MED10: variants seen among roughly 807,000 people sequenced by gnomAD.
MED10 encodes mediator complex subunit 10.
In MED10, 9 loss-of-function variants were observed where a neutral mutation model predicts 17.2. The ratio of observed to expected loss-of-function variants is 0.52; its 90% confidence interval spans 0.31 to 0.91. MED10 has a LOEUF of 0.91. MED10 is among the 40% of genes least tolerant of loss of function. The pLI is 0.04. For synonymous variants in MED10, 66 were observed against 59.8 expected (o/e 1.10, Z -0.48); for missense variants, 129 against 164.8 (o/e 0.78, Z 1.19).
intron 1 of MED10, among the ~76,000 whole-genome samples, chr5:6,378,124 T>G (rs943431134): frequency 6.6e-6 from 1 of 152,206 alleles, no homozygotes; most frequent in Admixed American, 6.5e-5. Context: ...CATCTGGCCA[T>G]GACGACGTCT....
chr5:6,377,601 C>T (rs1738023524), intron 1 of MED10, among the ~76,000 whole-genome samples: 1 of 152,198 alleles, frequency 6.6e-6, no homozygotes, highest in Non-Finnish European at 1.5e-5. Flanking sequence ...GCGGACTATA[C>T]TCAAAGTCTG....
intron 2 of MED10, among the ~76,000 whole-genome samples, chr5:6,376,429 T>G (rs1579254251): frequency 6.6e-6 from 1 of 152,042 alleles, no homozygotes. Context: ...AGTCCGGGGG[T>G]TTCGTCTTAA....
At chr5:6,374,231 C>T in intron 3 of MED10, 93 bp downstream of exon 3, 1 of 810,666 alleles carries the variant, frequency 1.2e-6, no homozygotes, top group Non-Finnish European at 2.2e-6. Flanking sequence ...AGTCAATATT[C>T]TAGCAAGTAT....
At position 6,378,444 on chromosome 5, in the gene MED10, T is replaced by A. The variant is rs201062500; in HGVS notation, c.40A>T (p.Lys14Ter). 12 of 1,613,562 alleles carry A rather than the reference T, an allele frequency of 7.4e-6. No individual in the cohort carries two copies. Among genetic ancestry groups the A allele is most frequent in the Non-Finnish European group, 1.0e-5 (12 of 1,179,870 alleles). ...AGCTGCCGAATGTTCTCCACGAACT[T>A]CTCCAGGTGCTCCTCTAGGTGGTCA... ...KFDHLEEHLE[K>*]FVENIRQLGI... Residue 14 changes from lysine (K) to a stop codon, truncating the protein, a stop_gained, in exon 1 of 4, where the codon AAG becomes TAG. Transcript: ENST00000255764. LOFTEE classifies it high-confidence loss of function.
intron 3 of MED10, 98 bp downstream of exon 3, chr5:6,374,226 A>G: frequency 1.3e-6 from 1 of 782,904 alleles, no homozygotes; most frequent in Middle Eastern, 2.4e-4. Context: ...ATGAAAGTCA[A>G]TATTCTAGCA....
At position 6,378,519 on chromosome 5, in the gene MED10, C is replaced by G; in HGVS notation, c.-36G>C. 1 of 1,592,030 alleles carries G rather than the reference C, an allele frequency of 6.3e-7. No homozygotes were observed. The highest frequency in any genetic ancestry group is 8.6e-7 in the Non-Finnish European group (1 of 1,167,806). Reference sequence around the variant, plus strand: ...CGTCCCCGACCCACACAGCCTCAACCAGCAGCGCCGCAGGCGTGGCCCTAC... The same window carrying G: ...CGTCCCCGACCCACACAGCCTCAACGAGCAGCGCCGCAGGCGTGGCCCTAC... On this transcript the variant is annotated 5_prime_UTR_variant, in exon 1 of 4. Coordinates refer to ENST00000255764, the MANE Select transcript of MED10 (RefSeq NM_032286.3).
Position 6,374,423 on chromosome 5 carries a change from A to G in MED10, c.210T>C (p.Tyr70=), listed in dbSNP as rs141318383. The part of the protein sequence containing the change: ...DITVPLEVFE[Y]IDQGRNPQLY... The stretch of plus-strand genomic sequence containing the variant: ...GCTGGGGATTTCGACCTTGATCTAT[A>G]TATCTGGAAACACGATATATTTCAA... The change falls in exon 3 of 4, where the codon TAT becomes TAC. Residue 70 remains tyrosine, a synonymous_variant. Transcript: ENST00000255764. 2.4e-5 allele frequency: 39 copies of G among 1,599,102 alleles called. No individual in the cohort carries two copies. The highest frequency in any genetic ancestry group is 3.3e-5 in the South Asian group (3 of 90,776).
intron 1 of MED10, among the ~76,000 whole-genome samples, 187 bp from the exon 2 acceptor site, chr5:6,377,436 A>G (rs115058912): frequency 6.6e-6 from 1 of 152,330 alleles, no homozygotes; most frequent in African/African-American, 2.4e-5. Flanking sequence ...GAGTTACAAA[A>G]TACCCTTAAA....
Position 6,372,525 on chromosome 5 carries a change from C to A in MED10, c.386G>T (p.Gly129Val), listed in dbSNP as rs145638352. The part of the protein sequence containing the change: ...EDMAKYRSIR[G>V]EDHPPS Reference sequence around the variant, plus strand: ...TGGTTAAGAAGGCGGGTGATCCTCCCCCCGGATGCTTCGATACTTAGCCAT... The same window carrying A: ...TGGTTAAGAAGGCGGGTGATCCTCCACCCGGATGCTTCGATACTTAGCCAT... Residue 129 changes from glycine (G) to valine (V), a missense_variant, in exon 4 of 4, where the codon GGG (glycine) becomes GTG (valine). Gly to Val is a moderately radical substitution (Grantham distance 109). Coordinates refer to ENST00000255764, the MANE Select transcript of MED10 (RefSeq NM_032286.3). 5.6e-6 allele frequency: 9 copies of A among 1,614,042 alleles called. No homozygotes were observed. The African/African-American group carries it at 1.2e-4, about 22-fold the overall frequency.
rs1383806613 is a variant in MED10 at position 6,374,386 on chromosome 5, CTT to C, written c.245_246del (p.Lys82ArgfsTer9). 4.3e-6 allele frequency: 7 copies of C among 1,614,010 alleles called. No individual in the cohort carries two copies. Among genetic ancestry groups the C allele is most frequent in the Non-Finnish European group, 5.9e-6 (7 of 1,179,914 alleles). On this transcript the variant is annotated frameshift_variant, in exon 3 of 4. Transcript: ENST00000255764. LOFTEE classifies it high-confidence loss of function. ...TTAGCTAGAGCCCTCTCCAGGCACT[CTT>C]TGGTGTAGAGCTGGGGATTTCGACC... The part of the protein sequence containing the change: ...DQGRNPQLYT[K>X]ECLERALAKN...
At position 6,374,313 on chromosome 5, in the gene MED10, T is replaced by TA; in HGVS notation, c.309+10dup. The TA allele has an allele frequency of 1.3e-6, 2 of 1,588,956 alleles. No individual in the cohort carries two copies. The highest frequency in any genetic ancestry group is 1.7e-6 in the Non-Finnish European group (2 of 1,157,020). ...TTCCCACTGTATTTCTGACACTCCT[T>TA]AGAGTCTTACCTTCATGGTGTCGAT... On this transcript the variant is annotated intron_variant, in intron 3 of 3. Coordinates refer to ENST00000255764, the MANE Select transcript of MED10 (RefSeq NM_032286.3).
intron 2 of MED10, 183 bp from the exon 3 acceptor site, chr5:6,374,609 G>C: frequency 1.8e-6 from 1 of 548,646 alleles, no homozygotes; most frequent in Non-Finnish European, 3.3e-6. Flanking sequence ...CAGATCATCT[G>C]ATTTCATTAC....
At chr5:6,377,115 C>A in intron 2 of MED10, 51 bp downstream of exon 2, 1 of 1,314,396 alleles carries the variant, frequency 7.6e-7, no homozygotes, top group South Asian at 1.3e-5. Flanking sequence ...GATACCACAC[C>A]ATAACTGAAC....
chr5:6,375,293 A>G (rs1035048338), intron 2 of MED10, among the ~76,000 whole-genome samples: 4 of 152,226 alleles, frequency 2.6e-5, no homozygotes, highest in African/African-American at 9.6e-5. Context: ...TTAAAAAACA[A>G]AAAACAAAAA....
chr5:6,378,532 G>C lies in MED10; in HGVS notation c.-49C>G. The C allele has an allele frequency of 6.3e-7, 1 of 1,575,318 alleles. No individual in the cohort carries two copies. The highest frequency in any genetic ancestry group is 8.6e-7 in the Non-Finnish European group (1 of 1,158,150). The stretch of plus-strand genomic sequence containing the variant: ...CACAGCCTCAACCAGCAGCGCCGCA[G>C]GCGTGGCCCTACGCTCCCGCTTCCT... On this transcript the variant is annotated 5_prime_UTR_variant, in exon 1 of 4. Coordinates refer to ENST00000255764, the MANE Select transcript of MED10 (RefSeq NM_032286.3).
Position 6,372,437 on chromosome 5 carries a change from CTCGCAGTCCCAGCCTCACGCCGCA to C in MED10, c.*42_*65del. 3 of 1,370,382 alleles carry C rather than the reference CTCGCAGTCCCAGCCTCACGCCGCA, an allele frequency of 2.2e-6. No individual in the cohort carries two copies. The highest frequency in any genetic ancestry group is 1.7e-5 in the Admixed American group (1 of 59,440). 84.9% of individuals were successfully genotyped at this position (1,370,382 alleles called of 1,614,324 possible). Reference sequence around the variant, plus strand: ...CCTCAGCAGGAAGGTGGCGTCAGCACTCGCAGTCCCAGCCTCACGCCGCATCGCAGTCCCAGGGGATCTTCACAC... The same window carrying C: ...CCTCAGCAGGAAGGTGGCGTCAGCACTCGCAGTCCCAGGGGATCTTCACAC... On this transcript the variant is annotated 3_prime_UTR_variant, in exon 4 of 4. Transcript: ENST00000255764.
At chr5:6,372,641 AAC>A in intron 3 of MED10, 40 bp from the exon 4 acceptor site, 1 of 1,490,274 alleles carries the variant, frequency 6.7e-7, no homozygotes, top group African/African-American at 1.4e-5. Context: ...TCTTCACATC[AAC>A]ACTCCAATAA....
chr5:6,375,284 TAAAAAAC>T (rs1211678476), intron 2 of MED10, among the ~76,000 whole-genome samples: 1 of 152,106 alleles, frequency 6.6e-6, no homozygotes, highest in African/African-American at 2.4e-5. Context: ...ATTCATTATT[TAAAAAAC>T]AAAAAACAAA....
At chr5:6,374,550 ACT>A in intron 2 of MED10, 124 bp from the exon 3 acceptor site, 1 of 691,780 alleles carries the variant, frequency 1.4e-6, no homozygotes, top group Non-Finnish European at 2.6e-6. Flanking sequence ...TTTAGACAAA[ACT>A]CAGTGTAGGA....
Sources: allele counts gnomAD v4.1 joint callset (sites outside exome capture counted in the v4.1 genomes callset), GRCh38; gene constraint gnomAD v4.1.1; transcripts MANE v1.5; gene names NCBI Gene and HGNC (gene_info 2026-07-23, HGNC 2026-07-21).